NOTUM: variants seen among roughly 807,000 people sequenced by gnomAD.
NOTUM encodes notum, palmitoleoyl-protein carboxylesterase.
NOTUM carries 36 observed loss-of-function variants against 65.5 expected under a neutral mutation model. The observed-to-expected ratio is 0.55, with a 90% confidence interval of 0.42 to 0.73. NOTUM has a LOEUF of 0.73. Ranked by LOEUF, NOTUM falls within the 30% of genes least tolerant of loss-of-function variation. The pLI is 0.00. For missense variants in NOTUM, 659 were observed against 694.2 expected (o/e 0.95, Z 0.57); for synonymous variants, 356 against 297.9 (o/e 1.20, Z -2.01).
chr17:81,954,178 G>A, intron 10 of NOTUM, 78 bp downstream of exon 10: 2 of 1,044,968 alleles, frequency 1.9e-6, no homozygotes, highest in East Asian at 2.4e-5. Flanking sequence ...CCCATGGGAG[G>A]CCAAGTGCGG....
Position 81,960,750 on chromosome 17 carries a change from G to A in NOTUM, c.160C>T (p.Leu54=), listed in dbSNP as rs972054700. 8 of 1,595,774 alleles carry A rather than the reference G, an allele frequency of 5.0e-6. No individual in the cohort carries two copies. The Admixed American group carries it at 1.4e-4, about 27-fold the overall frequency. Reference sequence around the variant, plus strand: ...TTACCCTCCACGGCCGTGAAGTCCAGCGGGAAGCTCTCCACGGGCTGTCCG... The same window carrying A: ...TTACCCTCCACGGCCGTGAAGTCCAACGGGAAGCTCTCCACGGGCTGTCCG... The part of the protein sequence containing the change: ...AAGQPVESFP[L]DFTAVEGNMD... Residue 54 remains leucine, a synonymous_variant, in exon 1 of 11, where the codon CTG becomes TTG. Transcript: ENST00000409678. The surrounding 1 kb of genome is among the most constrained non-coding windows in gnomAD (Gnocchi z 6.4).
intron 3 of NOTUM, 152 bp downstream of exon 3, chr17:81,959,319 C>G (rs1241387951): frequency 1.2e-5 from 8 of 646,174 alleles, no homozygotes; most frequent in Non-Finnish European, 2.1e-5. Flanking sequence ...CCCCAAAAGG[C>G]AAGAGTGAAG....
At chr17:81,954,107 G>T in intron 10 of NOTUM, 149 bp downstream of exon 10, 1 of 624,562 alleles carries the variant, frequency 1.6e-6, no homozygotes, top group Non-Finnish European at 3.0e-6. Context: ...TACAGCTGTT[G>T]GTACAAGTGG....
intron 8 of NOTUM, 98 bp downstream of exon 8, chr17:81,956,552 G>C (rs2143943381): frequency 1.2e-6 from 1 of 847,286 alleles, no homozygotes; most frequent in South Asian, 1.5e-5. Context: ...TGGTCTCCAA[G>C]CCCAGCCCAG....
intron 1 of NOTUM, 189 bp from the exon 2 acceptor site, chr17:81,959,881 G>A (rs1364170753): frequency 1.9e-5 from 4 of 215,476 alleles, no homozygotes; most frequent in Admixed American, 5.8e-5. Context: ...CGCTCGCGGG[G>A]CGGGGAACGG....
rs931159725 is a variant in NOTUM, at chr17:81,959,799, C to A, written c.324-107G>T. 7.0e-5 allele frequency: 40 copies of A among 574,472 alleles called. No homozygotes were observed. The African/African-American group carries it at 7.5e-4, about 11-fold the overall frequency. The allele number at this position is 574,472 out of a possible 1,614,324, so 35.6% of individuals were successfully genotyped here. A position where few individuals can be genotyped will look rare whatever the true frequency, so the allele number is the denominator to read the frequency against. On this transcript the variant is annotated intron_variant, in intron 1 of 10. Coordinates refer to ENST00000409678, the MANE Select transcript of NOTUM (RefSeq NM_178493.6). ...ACGCGCCACCTGTTCCGGCCGCGCG[C>A]GACGGTCGCACGGGGGCGCCCTCGG... is the stretch of plus-strand genomic sequence containing the variant.
intron 9 of NOTUM, among the ~76,000 whole-genome samples, chr17:81,954,968 CTT>C (rs1567937763): frequency 6.6e-6 from 1 of 151,424 alleles, no homozygotes; most frequent in African/African-American, 2.4e-5. Flanking sequence ...TCCTCTCTCT[CTT>C]TCTCTCTCTC....
Position 81,955,557 on chromosome 17 carries a change from G to A in NOTUM, c.989-13C>T. On this transcript the variant is annotated splice_polypyrimidine_tract_variant and intron_variant, in intron 8 of 10. Coordinates refer to ENST00000409678, the MANE Select transcript of NOTUM (RefSeq NM_178493.6). Reference sequence around the variant, plus strand: ...ACGAACACAGGGCCTGCGGGCGGCGGGGCTCAGTTCGGCCTCCCCTGACCC... The same window carrying A: ...ACGAACACAGGGCCTGCGGGCGGCGAGGCTCAGTTCGGCCTCCCCTGACCC... The A allele has an allele frequency of 5.0e-6, 8 of 1,606,158 alleles. No individual in the cohort carries two copies. The highest frequency in any genetic ancestry group is 6.8e-6 in the Non-Finnish European group (8 of 1,176,624).
In NOTUM at chr17:81,952,929, C is replaced by G. The variant is rs373693047; in HGVS notation, c.*32G>C. On this transcript the variant is annotated 3_prime_UTR_variant, in exon 11 of 11. Coordinates refer to ENST00000409678, the MANE Select transcript of NOTUM (RefSeq NM_178493.6). Reference sequence around the variant, plus strand: ...ACTGGGGCAGCGGGTGTCTGGGCCCCTCAGTGCCGGCTCCTCCTCCAGACA... The same window carrying G: ...ACTGGGGCAGCGGGTGTCTGGGCCCGTCAGTGCCGGCTCCTCCTCCAGACA... The G allele has an allele frequency of 7.2e-5, 116 of 1,600,324 alleles. No homozygotes were observed. The highest frequency in any genetic ancestry group is 1.7e-4 in the Middle Eastern group (1 of 6,056).
At chr17:81,958,236 C>A in intron 5 of NOTUM, 99 bp downstream of exon 5, 1 of 804,260 alleles carries the variant, frequency 1.2e-6, no homozygotes, top group Non-Finnish European at 2.1e-6. Flanking sequence ...AGAACCCCTG[C>A]CGTCCCGCCT....
chr17:81,955,288 C>T (rs2041422814), intron 9 of NOTUM, 109 bp downstream of exon 9: 9 of 1,030,116 alleles, frequency 8.7e-6, no homozygotes, highest in Middle Eastern at 3.1e-4. Context: ...GCCTACAAGA[C>T]CTCTATTTTT....
At chr17:81,955,993 G>C (rs2041430327) in intron 8 of NOTUM, among the ~76,000 whole-genome samples, 1 of 152,076 alleles carries the variant, frequency 6.6e-6, no homozygotes. Context: ...AGGCCAGCTA[G>C]CCTTGGCCCA....
At position 81,955,528 on chromosome 17, in the gene NOTUM, C is replaced by A. The variant is rs1299348834; in HGVS notation, c.1005G>T (p.Val335=). The part of the protein sequence containing the change: ...YPTLRCPVFV[V]QWLFDEAQLT... ...GCTGTGCCTCGTCAAACAGCCACTG[C>A]ACCACGAACACAGGGCCTGCGGGCG... is the stretch of plus-strand genomic sequence containing the variant. The change falls in exon 9 of 11, where the codon GTG becomes GTT. Residue 335 remains valine (V), a synonymous_variant. Coordinates refer to ENST00000409678, the MANE Select transcript of NOTUM (RefSeq NM_178493.6). The A allele has an allele frequency of 1.2e-6, 2 of 1,610,806 alleles. No homozygotes were observed. Among genetic ancestry groups the A allele is most frequent in the African/African-American group, 2.7e-5 (2 of 74,816 alleles).
At position 81,955,402 on chromosome 17, in the gene NOTUM, G is replaced by A. The variant is rs774647632; in HGVS notation, c.1131C>T (p.Asp377=). ...LGRELRHTLK[D]VPASFAPACL... ...CCCGGGGCCCACACACTCACGGCAC[G>A]TCCTTGAGTGTGTGGCGCAGCTCGC... Residue 377 remains aspartate, a synonymous_variant, in exon 9 of 11, where the codon GAC becomes GAT. Coordinates refer to ENST00000409678, the MANE Select transcript of NOTUM (RefSeq NM_178493.6). 14 of 1,581,040 alleles carry A rather than the reference G, an allele frequency of 8.9e-6. No homozygotes were observed. In the Middle Eastern group the frequency reaches 1.4e-3, roughly 153 times the overall value.
In NOTUM at chr17:81,959,011, C is replaced by G. The variant is rs1225216082; in HGVS notation, c.473-16G>C. The G allele has an allele frequency of 1.2e-6, 2 of 1,611,002 alleles. No homozygotes were observed. Among genetic ancestry groups the G allele is most frequent in the South Asian group, 1.1e-5 (1 of 91,056 alleles). Reference sequence around the variant, plus strand: ...ATCCCTGTGCCTGGGGACACAGAGGCGGTGGGTCTTTCTAGCGGGAGGAGG... The same window carrying G: ...ATCCCTGTGCCTGGGGACACAGAGGGGGTGGGTCTTTCTAGCGGGAGGAGG... On this transcript the variant is annotated splice_polypyrimidine_tract_variant and intron_variant, in intron 3 of 10. Transcript: ENST00000409678.
intron 3 of NOTUM, 146 bp from the exon 4 acceptor site, chr17:81,959,141 G>A (rs983717428): frequency 8.6e-6 from 6 of 700,580 alleles, no homozygotes; most frequent in Non-Finnish European, 1.2e-5. Flanking sequence ...AGGTTGCCGG[G>A]AAAGTGGAGG....
intron 10 of NOTUM, among the ~76,000 whole-genome samples, chr17:81,953,806 T>C (rs1236794456): frequency 1.4e-5 from 2 of 145,564 alleles, no homozygotes; most frequent in Non-Finnish European, 3.0e-5. Context: ...TGAGATGGAG[T>C]TTCACTCTTG....
chr17:81,953,289 G>GT, intron 10 of NOTUM, 22 bp from the exon 11 acceptor site: 1 of 1,463,698 alleles, frequency 6.8e-7, no homozygotes, highest in Non-Finnish European at 9.1e-7. Context: ...AACCGGGGGA[G>GT]GGGGTCACAT....
intron 8 of NOTUM, 65 bp from the exon 9 acceptor site, chr17:81,955,609 C>T: frequency 6.9e-7 from 1 of 1,444,660 alleles, no homozygotes; most frequent in Non-Finnish European, 9.4e-7. Flanking sequence ...CCCAGGCTCA[C>T]AGCTCAGCAC....
Sources: allele counts gnomAD v4.1 joint callset (sites outside exome capture counted in the v4.1 genomes callset), GRCh38; gene constraint gnomAD v4.1.1; non-coding constraint Gnocchi (gnomAD v3.1); transcripts MANE v1.5; gene names NCBI Gene and HGNC (gene_info 2026-07-23, HGNC 2026-07-21).